The following FRMD5 variants were observed in gnomAD, a reference collection of about 807,000 sequenced individuals.
The protein encoded by FRMD5 is FERM domain-containing protein 5.
In FRMD5, 20 loss-of-function variants were observed where a neutral mutation model predicts 69.0. The ratio of observed to expected loss-of-function variants is 0.29; its 90% CI spans 0.20 to 0.42. The LOEUF (loss-of-function observed/expected upper bound fraction) is 0.42, where lower values mean the gene tolerates loss of function less well. FRMD5 is among the 10% of genes least tolerant of loss of function. The pLI, the probability that FRMD5 is intolerant of heterozygous loss-of-function variation, is 1.00. For missense variants in FRMD5, 595 were observed against 708.6 expected, an observed-to-expected ratio of 0.84 and a Z score of 1.82; for synonymous variants, 271 against 260.1, an observed-to-expected ratio of 1.04 and a Z score of -0.40.
intron 1 of FRMD5, among the ~76,000 whole-genome samples, chr15:44,139,102 GTGAA>G (rs1291540546): frequency 6.6e-6 from 1 of 152,036 alleles, no homozygotes; most frequent in African/African-American, 2.4e-5. Flanking sequence ...CTTTAAATGG[GTGAA>G]TCGTATAGTA....
At chr15:44,193,293 C>A (rs920177926) in intron 1 of FRMD5, among the ~76,000 whole-genome samples, 4 of 152,166 alleles carry the variant, frequency 2.6e-5, no homozygotes, top group African/African-American at 9.7e-5. Context: ...AAGTCTAAAT[C>A]TCACACTCCC....
chr15:43,889,148 A>G (rs1473752120), intron 8 of FRMD5, among the ~76,000 whole-genome samples: 1 of 152,346 alleles, frequency 6.6e-6, no homozygotes, highest in South Asian at 2.1e-4. Flanking sequence ...AAACATTTGC[A>G]TGGAAAGTGA....
chr15:43,951,995 TGTGTC>T (rs2090041519), intron 1 of FRMD5, among the ~76,000 whole-genome samples: 1 of 101,498 alleles, frequency 9.9e-6, no homozygotes, highest in Non-Finnish European at 1.7e-5. Flanking sequence ...TGTGTGTGTG[TGTGTC>T]TGTGTGTGTG....
chr15:43,873,814 T>TG lies in FRMD5; in HGVS notation c.*70_*71insC. On this transcript the variant is annotated 3_prime_UTR_variant, in exon 14 of 14. Transcript: ENST00000417257. ...TATGTGCCGATGGTTCCGCGATGGG[T>TG]CCCATTGCTGGGAATGGGTAGCCGG... 6.3e-7 allele frequency: 1 copy of TG among 1,582,570 alleles called. No individual in the cohort carries two copies. The highest frequency in any genetic ancestry group is 8.6e-7 in the Non-Finnish European group (1 of 1,163,914).
chr15:44,053,981 C>A (rs1348010631), intron 1 of FRMD5, among the ~76,000 whole-genome samples: 1 of 152,182 alleles, frequency 6.6e-6, no homozygotes, highest in African/African-American at 2.4e-5. Context: ...CAGGATTAAA[C>A]GTCATCACAT....
intron 1 of FRMD5, among the ~76,000 whole-genome samples, chr15:44,007,852 C>T (rs1262173762): frequency 1.3e-5 from 2 of 151,864 alleles, no homozygotes; most frequent in Non-Finnish European, 2.9e-5. Context: ...CCATGTTGGT[C>T]AGGCTGGTCT....
chr15:44,121,655 A>AC (rs2076952996), intron 1 of FRMD5, among the ~76,000 whole-genome samples: 1 of 151,984 alleles, frequency 6.6e-6, no homozygotes, highest in South Asian at 2.1e-4. Flanking sequence ...ACTTACCAAA[A>AC]AAAAAACAAA....
chr15:43,880,549 C>A (rs181991322), intron 13 of FRMD5, among the ~76,000 whole-genome samples: 7 of 152,380 alleles, frequency 4.6e-5, no homozygotes, highest in Admixed American at 2.0e-4. Flanking sequence ...TTGCTACAAT[C>A]TTTTATTTAT....
Position 43,877,912 on chromosome 15 carries a change from C to T in FRMD5, c.1136-3450G>A, listed in dbSNP as rs563827189. Among the ~76,000 whole-genome samples the T allele has an allele frequency of 1.5e-4, 23 of 152,336 alleles. 1 individual carries two copies. In the South Asian group the frequency reaches 2.1e-3, roughly 14 times the overall value. ...CATATCTATTAAGTCCTCATGTTGTCAACAGGTTCCTGGAAACCATGACTT... is the reference window on the plus strand; with the variant it reads ...CATATCTATTAAGTCCTCATGTTGTTAACAGGTTCCTGGAAACCATGACTT... On this transcript the variant is annotated intron_variant, in intron 13 of 13. Transcript: ENST00000417257.
At chr15:44,066,830 T>TA (rs1472096086) in intron 1 of FRMD5, among the ~76,000 whole-genome samples, 2 of 151,940 alleles carry the variant, frequency 1.3e-5, no homozygotes, top group African/African-American at 2.4e-5. Context: ...CTTTCAAGAT[T>TA]AAAAGTAAAG....
chr15:44,155,470 G>A (rs1221154065), intron 1 of FRMD5, among the ~76,000 whole-genome samples: 1 of 151,886 alleles, frequency 6.6e-6, no homozygotes, highest in Non-Finnish European at 1.5e-5. Context: ...AGTCACTCTG[G>A]AAACTTATTT....
chr15:43,901,884 A>G (rs766191070), intron 7 of FRMD5: 132 of 374,794 alleles, frequency 3.5e-4, no homozygotes, highest in Middle Eastern at 1.5e-3. Context: ...GGGGCCTTCC[A>G]TATCCCTCCT....
intron 1 of FRMD5, among the ~76,000 whole-genome samples, chr15:44,086,472 G>A (rs1429542363): frequency 2.6e-5 from 4 of 152,180 alleles, no homozygotes; most frequent in Non-Finnish European, 5.9e-5. Flanking sequence ...CCACATATTA[G>A]ATAATTCTAT....
At chr15:44,117,690 T>C (rs1333875556) in intron 1 of FRMD5, among the ~76,000 whole-genome samples, 1 of 152,250 alleles carries the variant, frequency 6.6e-6, no homozygotes, top group Non-Finnish European at 1.5e-5. Flanking sequence ...TCTGCAGAGA[T>C]GGCCCACCTG....
intron 1 of FRMD5, among the ~76,000 whole-genome samples, chr15:44,088,058 G>A (rs1894278328): frequency 6.6e-6 from 1 of 152,262 alleles, no homozygotes; most frequent in South Asian, 2.1e-4. Flanking sequence ...GCTAGGCTGA[G>A]TGTTTAGAGA....
At position 44,193,508 on chromosome 15, in the gene FRMD5, G is replaced by A. The variant is rs80089326; in HGVS notation, c.102+1445C>T. 8.8e-3 allele frequency among the ~76,000 whole-genome samples: 1,343 copies of A among 152,276 alleles called. 8 individuals are homozygous for A. The highest frequency in any genetic ancestry group is 0.014 in the Non-Finnish European group (963 of 68,014). ...AGTAGTATTCCACTCATTCAGCAAG[G>A]AAATAATACAGAGCATCTCTCTATC... On this transcript the variant is annotated intron_variant, in intron 1 of 13. Coordinates refer to ENST00000417257, the MANE Select transcript of FRMD5 (RefSeq NM_032892.5).
At chr15:43,979,076 G>A (rs1343200206) in intron 1 of FRMD5, among the ~76,000 whole-genome samples, 2 of 151,876 alleles carry the variant, frequency 1.3e-5, no homozygotes, top group East Asian at 3.9e-4. Flanking sequence ...AGTGGCTCAT[G>A]TCTTTAATCT....
intron 1 of FRMD5, among the ~76,000 whole-genome samples, chr15:44,030,172 T>C (rs1891616217): frequency 6.6e-6 from 1 of 152,138 alleles, no homozygotes; most frequent in African/African-American, 2.4e-5. Context: ...GGAATGAACA[T>C]GTGTGATCAT....
chr15:43,910,907 C>T (rs893633615), intron 4 of FRMD5, among the ~76,000 whole-genome samples: 1 of 152,216 alleles, frequency 6.6e-6, no homozygotes, highest in African/African-American at 2.4e-5. Context: ...AGTGAAAGAG[C>T]CAGGATTCAA....
Sources: allele counts gnomAD v4.1 joint callset (sites outside exome capture counted in the v4.1 genomes callset), GRCh38; gene constraint gnomAD v4.1.1; transcripts MANE v1.5; gene names NCBI Gene and HGNC (gene_info 2026-07-23, HGNC 2026-07-21).